Variants in PPP2R5E observed in about 807,000 individuals in gnomAD.
PPP2R5E encodes serine/threonine-protein phosphatase 2A 56 kDa regulatory subunit epsilon isoform.
PPP2R5E carries 4 observed loss-of-function variants against 65.3 expected under a neutral mutation model. The observed-to-expected ratio is 0.06, with a 90% CI of 0.03 to 0.14. PPP2R5E has a LOEUF of 0.14. Among genes scored for constraint, PPP2R5E ranks in the 10% least tolerant of loss-of-function variants. PPP2R5E has a pLI of 1.00. For missense variants in PPP2R5E, 274 were observed against 556.1 expected (o/e 0.49, Z 5.10); for synonymous variants, 183 against 187.4 (o/e 0.98, Z 0.19).
intron 2 of PPP2R5E, among the ~76,000 whole-genome samples, chr14:63,481,407 A>C (rs1023790958): frequency 1.3e-5 from 2 of 151,420 alleles, no homozygotes; most frequent in African/African-American, 4.9e-5. Context: ...GAGGCAGGGG[A>C]ATTGCTTGAA....
intron 3 of PPP2R5E, among the ~76,000 whole-genome samples, chr14:63,439,631 C>T (rs1888115565): frequency 6.6e-6 from 1 of 152,228 alleles, no homozygotes; most frequent in African/African-American, 2.4e-5. Context: ...TCCTCGGCCT[C>T]CCAAAGTGCT....
intron 3 of PPP2R5E, among the ~76,000 whole-genome samples, chr14:63,449,592 T>C (rs1396001420): frequency 6.6e-6 from 1 of 152,090 alleles, no homozygotes; most frequent in African/African-American, 2.4e-5. Context: ...TACAGAACAG[T>C]AAGCACACGT....
chr14:63,453,245 G>C (rs1888944627), intron 3 of PPP2R5E: 1 of 152,522 alleles, frequency 6.6e-6, no homozygotes, highest in Non-Finnish European at 1.5e-5. Context: ...TAAAGCCCAA[G>C]AGAGGCCTTA....
chr14:63,429,912 G>C (rs1887540656), intron 3 of PPP2R5E, among the ~76,000 whole-genome samples: 1 of 152,032 alleles, frequency 6.6e-6, no homozygotes, highest in African/African-American at 2.4e-5. Context: ...TTGAACTCCT[G>C]ACCTCAGGCG....
chr14:63,405,019 G>A (rs1268909434), intron 5 of PPP2R5E, among the ~76,000 whole-genome samples: 5 of 152,172 alleles, frequency 3.3e-5, no homozygotes, highest in Non-Finnish European at 7.3e-5. Context: ...ACTAAACCAA[G>A]CACAGGGCCC....
intron 10 of PPP2R5E, among the ~76,000 whole-genome samples, chr14:63,390,407 A>C (rs1046296065): frequency 6.6e-6 from 1 of 152,162 alleles, no homozygotes; most frequent in African/African-American, 2.4e-5. Flanking sequence ...GAGTTTTTAG[A>C]TCACAATATG....
chr14:63,398,190 AC>A lies in PPP2R5E; in HGVS notation c.550-1475del, dbSNP rs1413938214. ...AATGCCAGTGAGCACAACAGATTCA[AC>A]TCAATCTCTATCAAAAGTTCTAGCT... On this transcript the variant is annotated intron_variant, in intron 5 of 13. Coordinates refer to ENST00000337537, the MANE Select transcript of PPP2R5E (RefSeq NM_006246.5). Among the ~76,000 whole-genome samples the A allele has an allele frequency of 2.6e-5, 4 of 152,332 alleles. No individual in the cohort carries two copies. In the East Asian group the frequency reaches 7.7e-4, roughly 29 times the overall value.
intron 3 of PPP2R5E, among the ~76,000 whole-genome samples, chr14:63,437,474 T>C (rs568478267): frequency 1.0e-3 from 153 of 152,312 alleles, no homozygotes; most frequent in Non-Finnish European, 1.3e-3. Flanking sequence ...CTTTACAGAA[T>C]AGGATATAAC....
chr14:63,531,015 A>C (rs970058134), intron 2 of PPP2R5E, among the ~76,000 whole-genome samples: 1 of 152,216 alleles, frequency 6.6e-6, no homozygotes, highest in Admixed American at 6.5e-5. Context: ...TCCTTCCTAA[A>C]AGTGAATGAA....
intron 5 of PPP2R5E, among the ~76,000 whole-genome samples, chr14:63,409,555 T>G (rs2139843575): frequency 6.6e-6 from 1 of 152,314 alleles, no homozygotes; most frequent in East Asian, 1.9e-4. Context: ...CCAGTAGACA[T>G]TTTTACAAGT....
intron 3 of PPP2R5E, among the ~76,000 whole-genome samples, chr14:63,427,815 C>A (rs1196225940): frequency 6.6e-6 from 1 of 152,052 alleles, no homozygotes; most frequent in Non-Finnish European, 1.5e-5. Context: ...CTTATCCAGC[C>A]CCTTCATCTT....
At chr14:63,395,434 CAAGGGGGAAGAGAGAAGGAGGAGGAGG>C (rs1885279286) in intron 6 of PPP2R5E, 149 bp from the exon 7 acceptor site, 1 of 125,484 alleles carries the variant, frequency 8.0e-6, no homozygotes, top group Non-Finnish European at 1.3e-5. Context: ...AGAGGGAGGA[CAAGGGGGAAGAGAGAAGGAGGAGGAGG>C]AGGGGGGAAG....
intron 2 of PPP2R5E, among the ~76,000 whole-genome samples, chr14:63,522,564 G>A (rs1429423289): frequency 4.3e-5 from 6 of 140,066 alleles, no homozygotes; most frequent in African/African-American, 8.2e-5. Flanking sequence ...GCCGCCCATC[G>A]TCTGAGATGT....
At chr14:63,484,378 C>CACACACAT (rs1555364918) in intron 2 of PPP2R5E, among the ~76,000 whole-genome samples, 42 of 151,512 alleles carry the variant, frequency 2.8e-4, no homozygotes, top group African/African-American at 1.0e-3. Context: ...CACACACACA[C>CACACACAT]ACACACACAA....
At chr14:63,503,546 AAAGGAGGTAACAT>A (rs1327299780) in intron 2 of PPP2R5E, among the ~76,000 whole-genome samples, 2 of 152,220 alleles carry the variant, frequency 1.3e-5, no homozygotes, top group Non-Finnish European at 1.5e-5. Flanking sequence ...GTTCCAGAGC[AAAGGAGGTAACAT>A]AAGGCAAGCA....
At chr14:63,439,452 A>G (rs1283310689) in intron 3 of PPP2R5E, among the ~76,000 whole-genome samples, 1 of 152,014 alleles carries the variant, frequency 6.6e-6, no homozygotes, top group East Asian at 1.9e-4. Flanking sequence ...TCGGCTCACA[A>G]CAACCTCCAC....
At chr14:63,400,376 G>C (rs1885675992) in intron 5 of PPP2R5E, among the ~76,000 whole-genome samples, 1 of 152,148 alleles carries the variant, frequency 6.6e-6, no homozygotes, top group Non-Finnish European at 1.5e-5. Flanking sequence ...GGCTTCTAAA[G>C]GAAGAGACAT....
intron 2 of PPP2R5E, among the ~76,000 whole-genome samples, chr14:63,527,696 G>C (rs1893235266): frequency 1.3e-5 from 2 of 152,166 alleles, no homozygotes; most frequent in Admixed American, 1.3e-4. Context: ...AGCACTTTGA[G>C]AGGCCAAGGC....
At chr14:63,390,835 G>A (rs2139777195) in intron 10 of PPP2R5E, among the ~76,000 whole-genome samples, 1 of 152,304 alleles carries the variant, frequency 6.6e-6, no homozygotes, top group Admixed American at 6.5e-5. Context: ...TAACCTTCCA[G>A]AAGAATGGCT....
Sources: allele counts gnomAD v4.1 joint callset (sites outside exome capture counted in the v4.1 genomes callset), GRCh38; gene constraint gnomAD v4.1.1; transcripts MANE v1.5; gene names NCBI Gene and HGNC (gene_info 2026-07-23, HGNC 2026-07-21).